The following ALS2 variants were observed in gnomAD, a reference collection of about 807,000 sequenced individuals.
ALS2 encodes alsin Rho guanine nucleotide exchange factor ALS2, also known as alsin.
A neutral mutation model predicts 203.4 loss-of-function variants in ALS2; 117 were observed. That is an observed-to-expected ratio of 0.58 (90% CI 0.50 to 0.67). The LOEUF is 0.67. Ranked by LOEUF, ALS2 falls within the 30% of genes least tolerant of loss-of-function variation. The pLI, the probability that ALS2 is intolerant of heterozygous loss-of-function variation, is 0.00. For missense variants in ALS2, 1,715 were observed against 1,989.4 expected (o/e 0.86, Z 2.62); for synonymous variants, 718 against 725.9 (o/e 0.99, Z 0.17).
At chr2:201,772,451 T>G (rs549993109) in intron 1 of ALS2, among the ~76,000 whole-genome samples, 1 of 152,370 alleles carries the variant, frequency 6.6e-6, no homozygotes, top group Admixed American at 6.5e-5. Flanking sequence ...TGAACTCATC[T>G]GACAGCAAAA....
Position 201,731,412 on chromosome 2 carries a change from CA to C in ALS2, c.2580+1863del, listed in dbSNP as rs79058466. ...GCCTGGATATTAATTCTAGCTCTGCCAATTCTCAGCTGTGTCTCAATTCTCT... is the reference window on the plus strand; with the variant it reads ...GCCTGGATATTAATTCTAGCTCTGCCATTCTCAGCTGTGTCTCAATTCTCT... On this transcript the variant is annotated intron_variant, in intron 13 of 33. Transcript: ENST00000264276. Among the ~76,000 whole-genome samples, 928 of 152,100 alleles carry C rather than the reference CA, an allele frequency of 6.1e-3. 18 individuals are homozygous for C. Among genetic ancestry groups the C allele is most frequent in the East Asian group, 0.023 (120 of 5,182 alleles).
chr2:201,701,994 C>T (rs1470476129), intron 33 of ALS2, 105 bp from the exon 34 acceptor site: 1 of 969,526 alleles, frequency 1.0e-6, no homozygotes, highest in Non-Finnish European at 1.6e-6. Context: ...TGAACAAATT[C>T]AGCTGATGGC....
At position 201,702,018 on chromosome 2, in the gene ALS2, T is replaced by C. The variant is rs7603563; in HGVS notation, c.4936-129A>G. 763,876 of 829,188 alleles carry C rather than the reference T, an allele frequency of 0.92. 352,531 individuals carry two copies. The highest frequency in any genetic ancestry group is 0.99 in the East Asian group (37,021 of 37,376). 51.4% of individuals were successfully genotyped at this position (829,188 alleles called of 1,614,324 possible). ...TCAGCTGATGGCCCAACAGATTTAATTGATTTCACTTTTCCCTGTTCCCTT... is the reference window on the plus strand; with the variant it reads ...TCAGCTGATGGCCCAACAGATTTAACTGATTTCACTTTTCCCTGTTCCCTT... On this transcript the variant is annotated intron_variant, in intron 33 of 33. Transcript: ENST00000264276.
chr2:201,733,466 T>C, intron 12 of ALS2, 28 bp from the exon 13 acceptor site: 1 of 1,603,362 alleles, frequency 6.2e-7, no homozygotes, highest in Non-Finnish European at 8.5e-7. Context: ...AAAAATTTAG[T>C]TAATCATTTT....
At chr2:201,728,982 A>G in intron 14 of ALS2, 70 bp downstream of exon 14, 1 of 1,610,542 alleles carries the variant, frequency 6.2e-7, no homozygotes, top group Admixed American at 1.7e-5. Context: ...GGAACAGAGA[A>G]AATTGTATCA....
chr2:201,721,067 G>A (rs1478897004), intron 23 of ALS2, among the ~76,000 whole-genome samples: 3 of 152,084 alleles, frequency 2.0e-5, no homozygotes, highest in African/African-American at 7.2e-5. Flanking sequence ...AGAAAACAAC[G>A]CTTTACAATA....
At chr2:201,709,483 T>C (rs1414522523) in intron 27 of ALS2, among the ~76,000 whole-genome samples, 1 of 152,216 alleles carries the variant, frequency 6.6e-6, no homozygotes, top group Non-Finnish European at 1.5e-5. Flanking sequence ...AATGAACATA[T>C]GTGATACTGT....
chr2:201,705,264 T>C (rs1233281146), intron 30 of ALS2, 64 bp from the exon 31 acceptor site: 2 of 1,538,134 alleles, frequency 1.3e-6, no homozygotes, highest in Admixed American at 3.3e-5. Flanking sequence ...AAATAAATGA[T>C]ACTGATGTCA....
intron 27 of ALS2, 39 bp downstream of exon 27, chr2:201,709,842 A>C (rs1559033714): frequency 1.2e-6 from 2 of 1,612,784 alleles, no homozygotes; most frequent in Non-Finnish European, 1.7e-6. Flanking sequence ...ATAAAATAGT[A>C]TTCCATAGCC....
chr2:201,753,050 C>G (rs770583918), intron 7 of ALS2, 96 bp downstream of exon 7: 25 of 962,176 alleles, frequency 2.6e-5, no homozygotes, highest in Non-Finnish European at 4.3e-5. Flanking sequence ...TTATCATTGC[C>G]TGACATATAG....
intron 7 of ALS2, among the ~76,000 whole-genome samples, chr2:201,751,037 G>A (rs1387092661): frequency 1.3e-5 from 2 of 151,910 alleles, no homozygotes; most frequent in Admixed American, 6.6e-5. Context: ...GTTTTTAGTA[G>A]AGATGGGGTT....
chr2:201,709,994 T>C lies in ALS2; in HGVS notation c.4167A>G (p.Thr1389=), dbSNP rs1268180382. 6.2e-7 allele frequency: 1 copy of C among 1,613,858 alleles called. No homozygotes were observed. The highest frequency in any genetic ancestry group is 8.5e-7 in the Non-Finnish European group (1 of 1,179,906). The change falls in exon 27 of 34, where the codon ACA becomes ACG. Residue 1389 remains threonine, a synonymous_variant. Coordinates refer to ENST00000264276, the MANE Select transcript of ALS2 (RefSeq NM_020919.4). The stretch of plus-strand genomic sequence containing the variant: ...ATGTCATTCTATACACTGCAACCAG[T>C]GTCTCCACAAGCCTGCCCAGGGGGT... ...PLHPLGRLVE[T]LVAVYRMTYV...
chr2:201,718,173 C>A lies in ALS2; in HGVS notation c.3740G>T (p.Gly1247Val), dbSNP rs1303476878. The part of the protein sequence containing the change: ...LTMPNGDYIE[G>V]YFSGEWGSGI... ...AGATCCCCATTCTCCACTAAAATAA[C>A]CTTCAATGTAGTCTCCATTTGGCAT... The change falls in exon 24 of 34, where the codon GGT becomes GTT. Residue 1247 changes from glycine to valine, a missense_variant. Around this residue, in one of 3 missense-constraint regions of ALS2, gnomAD observed 1,227 missense variants for 1,413.5 expected, o/e 0.87. Coordinates refer to ENST00000264276, the MANE Select transcript of ALS2 (RefSeq NM_020919.4). 6.2e-7 allele frequency: 1 copy of A among 1,613,554 alleles called. No homozygotes were observed. Among genetic ancestry groups the A allele is most frequent in the Non-Finnish European group, 8.5e-7 (1 of 1,179,550 alleles).
At chr2:201,727,678 T>TGGGTGGGGGGGGG in intron 16 of ALS2, 27 bp downstream of exon 16, 1 of 903,034 alleles carries the variant, frequency 1.1e-6, no homozygotes, top group Non-Finnish European at 1.5e-6. Flanking sequence ...TTGGACGGGG[T>TGGGTGGGGGGGGG]GGGGTGGGGA....
intron 21 of ALS2, among the ~76,000 whole-genome samples, chr2:201,723,888 A>G (rs1051110714): frequency 1.3e-5 from 2 of 152,156 alleles, no homozygotes; most frequent in African/African-American, 4.8e-5. Context: ...AGGCAAAGGC[A>G]GGTGGATCAC....
chr2:201,718,299 G>T, intron 23 of ALS2, 89 bp from the exon 24 acceptor site: 7 of 1,415,600 alleles, frequency 4.9e-6, no homozygotes, highest in East Asian at 2.4e-5. Flanking sequence ...TCACTCTGTT[G>T]CCCAGGCTGG....
intron 1 of ALS2, among the ~76,000 whole-genome samples, chr2:201,771,352 C>T (rs973350105): frequency 1.3e-5 from 2 of 152,086 alleles, no homozygotes; most frequent in Non-Finnish European, 2.9e-5. Flanking sequence ...CCACCGCGCC[C>T]GGCCCCTATC....
chr2:201,761,149 G>A lies in ALS2; in HGVS notation c.845C>T (p.Thr282Ile). ...AAATACTTCTTCCTGCCTGTCAAGGGTTTCAGTGGAGGGGCTGAGAGCAGT... is the reference window on the plus strand; with the variant it reads ...AAATACTTCTTCCTGCCTGTCAAGGATTTCAGTGGAGGGGCTGAGAGCAGT... Reference protein sequence around the residue: ...ASTALSPSTETLDRQEEVFEN... With the variant: ...ASTALSPSTEILDRQEEVFEN... The change falls in exon 4 of 34, where the codon ACC (threonine) becomes ATC (isoleucine). Residue 282 changes from threonine (T) to isoleucine (I), a missense_variant. Transcript: ENST00000264276. 6.2e-7 allele frequency: 1 copy of A among 1,614,198 alleles called. No individual in the cohort carries two copies. The highest frequency in any genetic ancestry group is 1.1e-5 in the South Asian group (1 of 91,086).
chr2:201,735,656 G>A (rs548313892), intron 12 of ALS2, among the ~76,000 whole-genome samples: 1 of 152,308 alleles, frequency 6.6e-6, no homozygotes, highest in African/African-American at 2.4e-5. Flanking sequence ...CCAGGCTCTG[G>A]GCATGGTGCT....
Sources: gnomAD v4.1 joint callset for allele counts (sites outside exome capture counted in the v4.1 genomes callset) on GRCh38, gnomAD v4.1.1 for gene constraint, gnomAD v4.1.1 regional missense constraint, MANE v1.5 for transcripts, NCBI Gene and HGNC (gene_info 2026-07-23, HGNC 2026-07-21) for gene names.